RETSAT: variants seen among roughly 807,000 people sequenced by gnomAD.
The protein encoded by RETSAT is all-trans-retinol 13,14-reductase.
A neutral mutation model predicts 61.6 loss-of-function variants in RETSAT; 35 were observed. The observed-to-expected ratio is 0.57, with a 90% confidence interval of 0.43 to 0.75. The LOEUF (loss-of-function observed/expected upper bound fraction) is 0.75, where lower values mean the gene tolerates loss of function less well. Ranked by LOEUF, RETSAT falls within the 30% of genes least tolerant of loss-of-function variation. The pLI, the probability that RETSAT is intolerant of heterozygous loss-of-function variation, is 0.00. For synonymous variants in RETSAT, 277 were observed against 310.4 expected (o/e 0.89, Z 1.13); for missense variants, 670 against 759.5 (o/e 0.88, Z 1.38).
intron 1 of RETSAT, 119 bp from the exon 2 acceptor site, chr2:85,351,981 G>T: frequency 2.3e-6 from 2 of 870,202 alleles, no homozygotes; most frequent in Non-Finnish European, 3.5e-6. Context: ...AGAGTGGTTT[G>T]GCACAGAACT....
chr2:85,344,519 C>G, intron 7 of RETSAT, 75 bp downstream of exon 7: 1 of 1,574,602 alleles, frequency 6.4e-7, no homozygotes. Context: ...TCCTCCCATT[C>G]CATAACCTCT....
intron 5 of RETSAT, among the ~76,000 whole-genome samples, chr2:85,346,418 CT>C (rs1428911010): frequency 2.6e-5 from 4 of 152,316 alleles, no homozygotes; most frequent in Non-Finnish European, 4.4e-5. Context: ...AATCCAGGCC[CT>C]TTTCTCTGCT....
chr2:85,343,123 T>G lies in RETSAT; in HGVS notation c.*119A>C. On this transcript the variant is annotated 3_prime_UTR_variant, in exon 11 of 11. Coordinates refer to ENST00000295802, the MANE Select transcript of RETSAT (RefSeq NM_017750.4). ...TTTAAACTAGGCCTCTCTTCAGGCA[T>G]CAGAACCAAATTAGAGTGCTTTATA... is the stretch of plus-strand genomic sequence containing the variant. 6.9e-7 allele frequency: 1 copy of G among 1,439,636 alleles called. No homozygotes were observed. 89.2% of individuals were successfully genotyped at this position (1,439,636 alleles called of 1,614,324 possible).
chr2:85,348,605 TG>T (rs1683242102), intron 5 of RETSAT, among the ~76,000 whole-genome samples: 1 of 111,386 alleles, frequency 9.0e-6, no homozygotes, highest in African/African-American at 3.6e-5. Flanking sequence ...GACTCCAGCC[TG>T]GGCAACAGAG....
Position 85,343,666 on chromosome 2 carries a change from T to C in RETSAT, c.1666A>G (p.Ser556Gly). The C allele has an allele frequency of 6.2e-7, 1 of 1,613,956 alleles. No individual in the cohort carries two copies. The highest frequency in any genetic ancestry group is 1.1e-5 in the South Asian group (1 of 91,078). ...PCVMASLRAQ[S>G]PIPNLYLTGQ... ...GTCAGATAGAGGTTGGGGATGGGGC[T>C]CTGGGCCCTCAAGGAGGCCATCACA... Residue 556 changes from serine (S) to glycine (G), a missense_variant, in exon 10 of 11, where the codon AGC (serine) becomes GGC (glycine). Transcript: ENST00000295802.
rs765610467 is a variant in RETSAT, at chr2:85,351,382, C to T, written c.355+298G>A. 22 of 421,626 alleles carry T rather than the reference C, an allele frequency of 5.2e-5. 2 individuals carry two copies. Among genetic ancestry groups the T allele is most frequent in the South Asian group, 2.9e-4 (9 of 31,298 alleles). The allele number at this position is 421,626 out of a possible 1,614,324, so 26.1% of individuals were successfully genotyped here. ...CTCTACTAAAATACAAAAAAATTAG[C>T]GGGGTGTGGTGGCCCACTTGGTGGG... On this transcript the variant is annotated intron_variant, in intron 2 of 10. Transcript: ENST00000295802.
rs761103636 is a variant in RETSAT at position 85,344,747 on chromosome 2, G to T, written c.1118-15C>A. On this transcript the variant is annotated splice_polypyrimidine_tract_variant and intron_variant, in intron 6 of 10. Transcript: ENST00000295802. ...CTGCTTCACACCTGCCAGGGGGAGT[G>T]GTTGGTGCCTGTGTGGACCATGGCC... The T allele has an allele frequency of 7.4e-6, 12 of 1,613,458 alleles. No homozygotes were observed. The highest frequency in any genetic ancestry group is 1.0e-5 in the Non-Finnish European group (12 of 1,179,612).
In RETSAT at chr2:85,350,064, G is replaced by A. The variant is rs746967291; in HGVS notation, c.775C>T (p.Leu259Phe). 4 of 1,613,724 alleles carry A rather than the reference G, an allele frequency of 2.5e-6. No homozygotes were observed. In the African/African-American group the frequency reaches 4.0e-5, roughly 16 times the overall value. Residue 259 changes from leucine to phenylalanine, a missense_variant, in exon 4 of 11, where the codon CTC becomes TTC. Leu to Phe is a conservative substitution (Grantham distance 22, BLOSUM62 0). Coordinates refer to ENST00000295802, the MANE Select transcript of RETSAT (RefSeq NM_017750.4). ...LGASSELQAV[L>F]SYIFPTYGVT... ...CCGTAAGTGGGGAAGATGTAGCTGA[G>A]TACTGCCTGGAGCTCAGAGGAGGCC...
rs565087120 is a variant in RETSAT, at chr2:85,342,534, C to A, written c.*708G>T. ...TCCCTGCTGGCACATTGAGAACCAGCTGCCACCCCGATGATAAGGAAGACA... is the reference window on the plus strand; with the variant it reads ...TCCCTGCTGGCACATTGAGAACCAGATGCCACCCCGATGATAAGGAAGACA... On this transcript the variant is annotated 3_prime_UTR_variant, in exon 11 of 11. Coordinates refer to ENST00000295802, the MANE Select transcript of RETSAT (RefSeq NM_017750.4). 1 of 152,524 alleles carries A rather than the reference C, an allele frequency of 6.6e-6. No individual in the cohort carries two copies. Among genetic ancestry groups the A allele is most frequent in the Non-Finnish European group, 1.5e-5 (1 of 68,300 alleles). 9.4% of individuals were successfully genotyped at this position (152,524 alleles called of 1,614,324 possible).
At position 85,343,217 on chromosome 2, in the gene RETSAT, T is replaced by G; in HGVS notation, c.*25A>C. 1 of 1,611,180 alleles carries G rather than the reference T, an allele frequency of 6.2e-7. No homozygotes were observed. Among genetic ancestry groups the G allele is most frequent in the Non-Finnish European group, 8.5e-7 (1 of 1,177,706 alleles). ...GGAGATGCCCCAGCCATTGGGCAAA[T>G]TCCTCTGACTCCTCCCTGATGGAAC... On this transcript the variant is annotated 3_prime_UTR_variant, in exon 11 of 11. Transcript: ENST00000295802.
In RETSAT at chr2:85,342,726, C is replaced by T. The variant is rs1421788297; in HGVS notation, c.*516G>A. On this transcript the variant is annotated 3_prime_UTR_variant, in exon 11 of 11. Coordinates refer to ENST00000295802, the MANE Select transcript of RETSAT (RefSeq NM_017750.4). ...AGCACAAAAGAGATCTAGAGCTCTCCAAACCTATGGAATGGCAACCAAAAC... is the reference window on the plus strand; with the variant it reads ...AGCACAAAAGAGATCTAGAGCTCTCTAAACCTATGGAATGGCAACCAAAAC... 2.6e-5 allele frequency: 4 copies of T among 155,162 alleles called. No individual in the cohort carries two copies. Among genetic ancestry groups the T allele is most frequent in the Non-Finnish European group, 5.7e-5 (4 of 69,716 alleles). The allele number at this position is 155,162 out of a possible 1,614,324, so 9.6% of individuals were successfully genotyped here. A position where few individuals can be genotyped will look rare whatever the true frequency, so the allele number is the denominator to read the frequency against.
Position 85,346,005 on chromosome 2 carries a change from G to A in RETSAT, c.1087C>T (p.Leu363=), listed in dbSNP as rs765986860. ...AGGCAGCGGGCGTTCCCCGGCAGTAGGTGTTCATAGGTGTTGAACAGTCCT... is the reference window on the plus strand; with the variant it reads ...AGGCAGCGGGCGTTCCCCGGCAGTAAGTGTTCATAGGTGTTGAACAGTCCT... The part of the protein sequence containing the change: ...NAGLFNTYEH[L]LPGNARCLPG... The change falls in exon 6 of 11, where the codon CTA becomes TTA. Residue 363 remains leucine (L), a synonymous_variant. Coordinates refer to ENST00000295802, the MANE Select transcript of RETSAT (RefSeq NM_017750.4). 2.5e-6 allele frequency: 4 copies of A among 1,614,174 alleles called. No homozygotes were observed. In the Admixed American group the frequency reaches 6.7e-5, roughly 27 times the overall value.
intron 1 of RETSAT, among the ~76,000 whole-genome samples, chr2:85,352,182 G>A (rs1683309137): frequency 6.6e-6 from 1 of 151,976 alleles, no homozygotes; most frequent in Non-Finnish European, 1.5e-5. Flanking sequence ...TGGTTCCCGA[G>A]TAGCTGGGAC....
chr2:85,343,920 G>T lies in RETSAT; in HGVS notation c.1533+79C>A, dbSNP rs1683136527. The T allele has an allele frequency of 2.5e-5, 39 of 1,587,784 alleles. No homozygotes were observed. The South Asian group carries it at 4.1e-4, about 17-fold the overall frequency. ...CCTTCCCTGGGGCTCATGTCTTGGG[G>T]CCTGATTCCCCTGTCTCAAGGAAAG... On this transcript the variant is annotated intron_variant, in intron 9 of 10. Coordinates refer to ENST00000295802, the MANE Select transcript of RETSAT (RefSeq NM_017750.4).
chr2:85,351,003 C>T lies in RETSAT; in HGVS notation c.374G>A (p.Arg125His), dbSNP rs370464576. The change falls in exon 3 of 11, where the codon CGT (arginine) becomes CAT (histidine). Residue 125 changes from arginine to histidine, a missense_variant. Physicochemically the swap from Arg to His is conservative, Grantham distance 29. Coordinates refer to ENST00000295802, the MANE Select transcript of RETSAT (RefSeq NM_017750.4). ...ACGGCCAATGCTGCCCTCTTCCATA[C>T]GCCCAATGTAATGGATTCCTGTTGG... ...EFDTGIHYIGRMEEGSIGRFI... is the reference protein window; with the variant it reads ...EFDTGIHYIGHMEEGSIGRFI... 8.7e-5 allele frequency: 140 copies of T among 1,614,080 alleles called. No individual in the cohort carries two copies. Among genetic ancestry groups the T allele is most frequent in the African/African-American group, 3.3e-4 (25 of 75,004 alleles).
chr2:85,344,899 C>A (rs1234738949), intron 6 of RETSAT, among the ~76,000 whole-genome samples, 167 bp from the exon 7 acceptor site: 1 of 152,016 alleles, frequency 6.6e-6, no homozygotes, highest in Admixed American at 6.6e-5. Context: ...GCCTTCAGAT[C>A]GTGTTCAGGA....
At position 85,351,559 on chromosome 2, in the gene RETSAT, T is replaced by C; in HGVS notation, c.355+121A>G. The C allele has an allele frequency of 4.0e-6, 4 of 1,001,198 alleles. No individual in the cohort carries two copies. The South Asian group carries it at 6.7e-5, about 17-fold the overall frequency. The allele number at this position is 1,001,198 out of a possible 1,614,324, so 62.0% of individuals were successfully genotyped here. On this transcript the variant is annotated intron_variant, in intron 2 of 10. Coordinates refer to ENST00000295802, the MANE Select transcript of RETSAT (RefSeq NM_017750.4). ...GTCTGAAACAAACAAAGAAAAAAAG[T>C]ACCCAGAGAGAAGATGGCACTTCCA...
chr2:85,349,871 C>A (rs1558683441), intron 4 of RETSAT, 169 bp downstream of exon 4: 1 of 663,308 alleles, frequency 1.5e-6, no homozygotes, highest in Non-Finnish European at 2.6e-6. Flanking sequence ...AGAATTTTGA[C>A]CAAGGAGTCC....
chr2:85,351,479 C>G (rs1160928268), intron 2 of RETSAT: 1 of 550,172 alleles, frequency 1.8e-6, no homozygotes, highest in Non-Finnish European at 3.2e-6. Context: ...GCAGAGGTTA[C>G]AGTAAGCTGG....
Sources: gnomAD v4.1 joint callset for allele counts (sites outside exome capture counted in the v4.1 genomes callset) on GRCh38, gnomAD v4.1.1 for gene constraint, MANE v1.5 for transcripts, NCBI Gene and HGNC (gene_info 2026-07-23, HGNC 2026-07-21) for gene names.